Variants in SUFU observed in about 807,000 individuals in gnomAD.
SUFU encodes suppressor of fused homolog.
Under a neutral mutation model 58.9 loss-of-function variants are expected in SUFU, and 7 were observed. The observed-to-expected ratio is 0.12, with a 90% CI of 0.07 to 0.22. The LOEUF is 0.22. Among genes scored for constraint, SUFU ranks in the 10% least tolerant of loss-of-function variants. The pLI is 1.00. For synonymous variants in SUFU, 232 were observed against 254.8 expected (o/e 0.91, Z 0.85); for missense variants, 451 against 641.3 (o/e 0.70, Z 3.20).
At chr10:102,560,382 C>G (rs999210373) in intron 3 of SUFU, among the ~76,000 whole-genome samples, 15 of 151,836 alleles carry the variant, frequency 9.9e-5, no homozygotes, top group African/African-American at 3.6e-4. Context: ...CCAGCCTGGC[C>G]AACATGATGA....
At chr10:102,538,439 A>G (rs926652523) in intron 2 of SUFU, among the ~76,000 whole-genome samples, 1 of 152,088 alleles carries the variant, frequency 6.6e-6, no homozygotes, top group African/African-American at 2.4e-5. Flanking sequence ...ACTAAGATCT[A>G]CTGTGTTCCA....
chr10:102,563,199 T>G (rs1031793421), intron 3 of SUFU, among the ~76,000 whole-genome samples: 1 of 152,214 alleles, frequency 6.6e-6, no homozygotes, highest in Non-Finnish European at 1.5e-5. Context: ...TTTATTTTAT[T>G]TAAGTGCCTG....
intron 2 of SUFU, among the ~76,000 whole-genome samples, chr10:102,521,175 T>C (rs2062547361): frequency 6.6e-6 from 1 of 152,188 alleles, no homozygotes; most frequent in Non-Finnish European, 1.5e-5. Context: ...CCAATAGGTG[T>C]GGAGTGGTAT....
intron 2 of SUFU, among the ~76,000 whole-genome samples, chr10:102,528,605 C>T (rs901231933): frequency 2.0e-5 from 3 of 152,008 alleles, no homozygotes; most frequent in African/African-American, 7.2e-5. Context: ...GTGTCTTATT[C>T]CAGGAAACCC....
At position 102,632,111 on chromosome 10, in the gene SUFU, C is replaced by T. The variant is rs1024069879; in HGVS notation, c.*1956C>T. On this transcript the variant is annotated 3_prime_UTR_variant, in exon 12 of 12. Coordinates refer to ENST00000369902, the MANE Select transcript of SUFU (RefSeq NM_016169.4). ...TTGCTCGGGACCTGCCTGAGGGCTC[C>T]CTGCTGCAGTTCGCCGTACTTCCAT... 10 of 233,300 alleles carry T rather than the reference C, an allele frequency of 4.3e-5. No homozygotes were observed. The highest frequency in any genetic ancestry group is 1.7e-5 in the Non-Finnish European group (2 of 118,170). The allele number at this position is 233,300 out of a possible 1,614,324, so 14.5% of individuals were successfully genotyped here. A position where few individuals can be genotyped will look rare whatever the true frequency, so the allele number is the denominator to read the frequency against.
chr10:102,595,609 G>A, intron 6 of SUFU, among the ~76,000 whole-genome samples: 1 of 152,032 alleles, frequency 6.6e-6, no homozygotes, highest in African/African-American at 2.4e-5. Flanking sequence ...TTCCTAGTCT[G>A]CAGGATCCCC....
intron 2 of SUFU, among the ~76,000 whole-genome samples, chr10:102,529,758 A>C (rs1439115989): frequency 1.3e-5 from 2 of 152,102 alleles, no homozygotes; most frequent in Non-Finnish European, 2.9e-5. Flanking sequence ...CATCCTGGCC[A>C]ACATGGTGAA....
chr10:102,577,884 T>C (rs1289547709), intron 3 of SUFU, among the ~76,000 whole-genome samples: 41 of 148,908 alleles, frequency 2.8e-4, no homozygotes, highest in African/African-American at 1.0e-3. Context: ...GGTTTCACCA[T>C]GTTAGCCAGG....
chr10:102,528,132 C>T (rs1460320702), intron 2 of SUFU, among the ~76,000 whole-genome samples: 1 of 152,156 alleles, frequency 6.6e-6, no homozygotes, highest in Non-Finnish European at 1.5e-5. Context: ...TAGGAGTCCC[C>T]TGGGGGCTGG....
In SUFU at chr10:102,619,186, G is replaced by A. The variant is rs548605729; in HGVS notation, c.1296+1758G>A. 2.7e-4 allele frequency: 429 copies of A among 1,605,230 alleles called. 2 individuals carry two copies. The South Asian group carries it at 4.4e-3, about 16-fold the overall frequency. ...AGAACCTTGGCCCCCACAGGACTTCGCAGATGTCACATTGCCCCTCAGTCC... is the reference window on the plus strand; with the variant it reads ...AGAACCTTGGCCCCCACAGGACTTCACAGATGTCACATTGCCCCTCAGTCC... On this transcript the variant is annotated intron_variant, in intron 10 of 11. Transcript: ENST00000369902. The surrounding 1 kb of genome is among the most constrained non-coding windows in gnomAD (Gnocchi z 4.2).
chr10:102,538,704 G>A (rs1485771626), intron 2 of SUFU, among the ~76,000 whole-genome samples: 1 of 152,122 alleles, frequency 6.6e-6, no homozygotes, highest in African/African-American at 2.4e-5. Flanking sequence ...GTTACAGTCA[G>A]TGAACCTACG....
At position 102,619,119 on chromosome 10, in the gene SUFU, CT is replaced by C; in HGVS notation, c.1296+1692del. On this transcript the variant is annotated intron_variant, in intron 10 of 11. Coordinates refer to ENST00000369902, the MANE Select transcript of SUFU (RefSeq NM_016169.4). This position sits in a 1 kb window ranked among gnomAD's most constrained non-coding sequence, Gnocchi z 4.2. Reference sequence around the variant, plus strand: ...TCCCGTCCTGGAACGTCTTTCTGCCCTGAGGAGAGGGTAGTCAGCATCTCCA... The same window carrying C: ...TCCCGTCCTGGAACGTCTTTCTGCCCGAGGAGAGGGTAGTCAGCATCTCCA... 8 of 1,612,708 alleles carry C rather than the reference CT, an allele frequency of 5.0e-6. No homozygotes were observed. Among genetic ancestry groups the C allele is most frequent in the Non-Finnish European group, 6.8e-6 (8 of 1,179,834 alleles).
intron 8 of SUFU, among the ~76,000 whole-genome samples, chr10:102,601,886 G>A (rs2135895040): frequency 6.6e-6 from 1 of 152,300 alleles, no homozygotes; most frequent in Admixed American, 6.5e-5. Flanking sequence ...TTGTCTGCGG[G>A]TCTGATTTCC....
chr10:102,566,626 G>C (rs970562838), intron 3 of SUFU, among the ~76,000 whole-genome samples: 1 of 152,010 alleles, frequency 6.6e-6, no homozygotes, highest in South Asian at 2.1e-4. Context: ...TAAACCAGGC[G>C]TGGTGGCGGG....
intron 2 of SUFU, among the ~76,000 whole-genome samples, chr10:102,513,421 T>A (rs942991143): frequency 1.3e-5 from 2 of 152,208 alleles, no homozygotes; most frequent in African/African-American, 4.8e-5. Flanking sequence ...TCAGCACACA[T>A]TCATCAAGCA....
rs567616191 is a variant in SUFU, at chr10:102,583,423, G to A, written c.455-9159G>A. Among the ~76,000 whole-genome samples the A allele has an allele frequency of 5.3e-5, 8 of 152,272 alleles. No individual in the cohort carries two copies. In the South Asian group the frequency reaches 1.7e-3, roughly 32 times the overall value. ...TGATCACACATGCTCAGGGTGGAAC[G>A]TGTTGATCCTAGAGCAACACCTGGG... On this transcript the variant is annotated intron_variant, in intron 3 of 11. Transcript: ENST00000369902.
chr10:102,576,085 A>T (rs2063209310), intron 3 of SUFU, among the ~76,000 whole-genome samples: 1 of 150,238 alleles, frequency 6.7e-6, no homozygotes, highest in Non-Finnish European at 1.5e-5. Context: ...GACTGAAGTG[A>T]TCCACCCACC....
At chr10:102,524,247 C>A (rs2062582921) in intron 2 of SUFU, among the ~76,000 whole-genome samples, 1 of 151,308 alleles carries the variant, frequency 6.6e-6, no homozygotes, top group Non-Finnish European at 1.5e-5. Flanking sequence ...CTCAAGCGAT[C>A]CTTCTGTCTT....
At chr10:102,530,250 A>G (rs1232378212) in intron 2 of SUFU, among the ~76,000 whole-genome samples, 1 of 152,018 alleles carries the variant, frequency 6.6e-6, no homozygotes, top group Non-Finnish European at 1.5e-5. Flanking sequence ...TAATAATTTC[A>G]TGCAGTTTCC....
Sources: gnomAD v4.1 joint callset for allele counts (sites outside exome capture counted in the v4.1 genomes callset) on GRCh38, gnomAD v4.1.1 for gene constraint, Gnocchi (gnomAD v3.1) non-coding constraint, MANE v1.5 for transcripts, NCBI Gene and HGNC (gene_info 2026-07-23, HGNC 2026-07-21) for gene names.